KDM2A: variants seen among roughly 807,000 people sequenced by gnomAD.
KDM2A encodes the protein lysine demethylase 2A, also known as lysine-specific demethylase 2A.
KDM2A carries 3 observed loss-of-function variants against 137.3 expected under a neutral mutation model. That is an observed-to-expected ratio of 0.02 (90% CI 0.01 to 0.06). KDM2A has a LOEUF of 0.06. Ranked by LOEUF, KDM2A falls within the 10% of genes least tolerant of loss-of-function variation. The pLI, the probability that KDM2A is intolerant of heterozygous loss-of-function variation, is 1.00. For synonymous variants in KDM2A, 512 were observed against 541.5 expected (o/e 0.95, Z 0.76); for missense variants, 738 against 1,510.6 (o/e 0.49, Z 8.48).
chr11:67,197,466 C>G lies in KDM2A; in HGVS notation c.308-10044C>G, dbSNP rs536710727. Among the ~76,000 whole-genome samples, 30 of 152,358 alleles carry G rather than the reference C, an allele frequency of 2.0e-4. No individual in the cohort carries two copies. The South Asian group carries it at 6.2e-3, about 32-fold the overall frequency. The stretch of plus-strand genomic sequence containing the variant: ...GTGTTGGGATTACAGGCGTGAGCCA[C>G]TCTGCCCAGCCAGTGACTAACTTTC... On this transcript the variant is annotated intron_variant, in intron 5 of 20. Transcript: ENST00000529006.
chr11:67,229,159 G>A (rs1858636075), intron 11 of KDM2A, among the ~76,000 whole-genome samples: 1 of 152,180 alleles, frequency 6.6e-6, no homozygotes, highest in Non-Finnish European at 1.5e-5. Flanking sequence ...ATTATTACCT[G>A]AGAGATAGGT....
chr11:67,230,537 G>A (rs111585071), intron 11 of KDM2A, among the ~76,000 whole-genome samples: 13,102 of 151,528 alleles, frequency 0.086, 1,908 homozygotes, highest in African/African-American at 0.3. Flanking sequence ...ATTGTGGGAG[G>A]ATTGCTTGAG....
chr11:67,155,029 T>C (rs1484676048), intron 2 of KDM2A, among the ~76,000 whole-genome samples: 1 of 152,190 alleles, frequency 6.6e-6, no homozygotes, highest in Non-Finnish European at 1.5e-5. Context: ...GTTTTTTGTT[T>C]GTTTTGAGAC....
chr11:67,203,051 G>C (rs1227850576), intron 5 of KDM2A, among the ~76,000 whole-genome samples: 6 of 150,208 alleles, frequency 4.0e-5, no homozygotes, highest in Non-Finnish European at 7.4e-5. Flanking sequence ...GAAAGAAAAA[G>C]AAGTTGCTAT....
intron 2 of KDM2A, among the ~76,000 whole-genome samples, chr11:67,159,896 G>A (rs1225784977): frequency 6.6e-6 from 1 of 152,178 alleles, no homozygotes; most frequent in African/African-American, 2.4e-5. Flanking sequence ...TGAATACAGA[G>A]TTGTAGTATG....
chr11:67,130,999 C>T (rs1166438518), intron 2 of KDM2A, among the ~76,000 whole-genome samples: 1 of 152,036 alleles, frequency 6.6e-6, no homozygotes, highest in Non-Finnish European at 1.5e-5. Context: ...GGTTTCTTCT[C>T]TCATACCATC....
chr11:67,214,992 A>G (rs1388072680), intron 6 of KDM2A, among the ~76,000 whole-genome samples: 1 of 152,154 alleles, frequency 6.6e-6, no homozygotes, highest in Admixed American at 6.6e-5. Context: ...TACCTTCCAG[A>G]CAACACCTTT....
At chr11:67,186,139 T>A (rs1425095037) in intron 5 of KDM2A, among the ~76,000 whole-genome samples, 1 of 151,796 alleles carries the variant, frequency 6.6e-6, no homozygotes, top group Non-Finnish European at 1.5e-5. Context: ...AGTATAAACA[T>A]CCAAACAGCT....
rs1859169508 is a variant in KDM2A, at chr11:67,245,218, G to A, written c.1593G>A (p.Arg531=). 1 of 1,613,892 alleles carries A rather than the reference G, an allele frequency of 6.2e-7. No individual in the cohort carries two copies. The highest frequency in any genetic ancestry group is 8.5e-7 in the Non-Finnish European group (1 of 1,179,846). ...AATTCCCCACTCGGCCAAAGGTGCG[G>A]GTTCCTACCATCCCCATTACGAAGC... ...KLKFPTRPKV[R]VPTIPITKPH... Residue 531 remains arginine, a synonymous_variant, in exon 14 of 21, where the codon CGG becomes CGA. Transcript: ENST00000529006. This position sits in a 1 kb window ranked among gnomAD's most constrained non-coding sequence, Gnocchi z 4.1.
In KDM2A at chr11:67,245,840, C is replaced by A. The variant is rs1055288033; in HGVS notation, c.1834-145C>A. 6.3e-5 allele frequency: 60 copies of A among 946,978 alleles called. No homozygotes were observed. In the Admixed American group the frequency reaches 1.7e-3, roughly 26 times the overall value. 58.7% of individuals were successfully genotyped at this position (946,978 alleles called of 1,614,324 possible). On this transcript the variant is annotated intron_variant, in intron 14 of 20. Transcript: ENST00000529006. This position sits in a 1 kb window ranked among gnomAD's most constrained non-coding sequence, Gnocchi z 4.1. ...CCCAGTCATTTTTCCTACCCAAAACCTCCGTTCTCTCCACCCTGCCTCCAT... is the reference window on the plus strand; with the variant it reads ...CCCAGTCATTTTTCCTACCCAAAACATCCGTTCTCTCCACCCTGCCTCCAT...
chr11:67,167,586 CT>C (rs554758554), intron 2 of KDM2A, among the ~76,000 whole-genome samples: 30 of 145,070 alleles, frequency 2.1e-4, no homozygotes, highest in East Asian at 1.0e-3. Context: ...TCACAGCTAT[CT>C]TTTTTTTTTT....
At chr11:67,214,228 G>A (rs1482579632) in intron 6 of KDM2A, among the ~76,000 whole-genome samples, 84 of 4,542 alleles carry the variant, frequency 0.018, 1 homozygote, top group Admixed American at 0.086. Context: ...TTTTTGAGAC[G>A]GAGTCTTGCT....
At chr11:67,166,144 A>G (rs72928916) in intron 2 of KDM2A, among the ~76,000 whole-genome samples, 1 of 151,922 alleles carries the variant, frequency 6.6e-6, no homozygotes, top group Non-Finnish European at 1.5e-5. Flanking sequence ...ATGAAAATCA[A>G]GTTAAAAAAT....
intron 6 of KDM2A, among the ~76,000 whole-genome samples, chr11:67,214,788 A>T (rs892736191): frequency 6.6e-6 from 1 of 152,136 alleles, no homozygotes; most frequent in Non-Finnish European, 1.5e-5. Context: ...AGTTTTATAG[A>T]TGAGTTTGAG....
At chr11:67,155,936 C>CT (rs1856502715) in intron 2 of KDM2A, among the ~76,000 whole-genome samples, 1 of 34,302 alleles carries the variant, frequency 2.9e-5, no homozygotes, top group African/African-American at 4.7e-5. Context: ...TTTTAAACGG[C>CT]TAAAAAAAAA....
At chr11:67,202,396 T>C (rs149864922) in intron 5 of KDM2A, among the ~76,000 whole-genome samples, 412 of 152,248 alleles carry the variant, frequency 2.7e-3, no homozygotes, top group Non-Finnish European at 4.9e-3. Context: ...TAAAATGATA[T>C]CAAACAGCAT....
Position 67,148,854 on chromosome 11 carries a change from T to C in KDM2A, c.42+27496T>C, listed in dbSNP as rs537790284. Among the ~76,000 whole-genome samples, 5 of 152,036 alleles carry C rather than the reference T, an allele frequency of 3.3e-5. No individual in the cohort carries two copies. In the South Asian group the frequency reaches 8.3e-4, roughly 25 times the overall value. On this transcript the variant is annotated intron_variant, in intron 2 of 20. Coordinates refer to ENST00000529006, the MANE Select transcript of KDM2A (RefSeq NM_012308.3). ...AAATAATCCACACCCTAAAGTGCGATTCAGCTGAAATTGTCTATGGTATTT... is the reference window on the plus strand; with the variant it reads ...AAATAATCCACACCCTAAAGTGCGACTCAGCTGAAATTGTCTATGGTATTT...
chr11:67,128,516 G>A (rs942797577), intron 2 of KDM2A, among the ~76,000 whole-genome samples: 20 of 151,988 alleles, frequency 1.3e-4, no homozygotes, highest in Admixed American at 1.3e-3. Context: ...GAGTGCACTG[G>A]TCTCATTGTT....
At chr11:67,160,261 A>G (rs554157502) in intron 2 of KDM2A, among the ~76,000 whole-genome samples, 1 of 152,304 alleles carries the variant, frequency 6.6e-6, no homozygotes, top group Admixed American at 6.5e-5. Context: ...TCGAGGGATC[A>G]TTATTGATGT....
Sources: allele counts gnomAD v4.1 joint callset (sites outside exome capture counted in the v4.1 genomes callset), GRCh38; gene constraint gnomAD v4.1.1; non-coding constraint Gnocchi (gnomAD v3.1); transcripts MANE v1.5; gene names NCBI Gene and HGNC (gene_info 2026-07-23, HGNC 2026-07-21).